The following ADAMTS6 variants were observed in gnomAD, a reference collection of about 807,000 sequenced individuals.
ADAMTS6 encodes the protein A disintegrin and metalloproteinase with thrombospondin motifs 6.
In ADAMTS6, 23 loss-of-function variants were observed where a neutral mutation model predicts 144.3. The ratio of observed to expected loss-of-function variants is 0.16; its 90% CI spans 0.11 to 0.23. The LOEUF (loss-of-function observed/expected upper bound fraction) is 0.23. ADAMTS6 is among the 10% of genes least tolerant of loss of function. The probability of loss-of-function intolerance (pLI) is 1.00; values close to 1 mark genes in which losing one functional copy is unlikely to be tolerated. For missense variants in ADAMTS6, 999 were observed against 1,379.6 expected (o/e 0.72, Z 4.37); for synonymous variants, 444 against 457.5 (o/e 0.97, Z 0.38).
chr5:65,231,646 A>G (rs77070198), intron 15 of ADAMTS6, among the ~76,000 whole-genome samples: 1 of 152,206 alleles, frequency 6.6e-6, no homozygotes, highest in Non-Finnish European at 1.5e-5. Context: ...AAGTCTTAAC[A>G]CATTTAAGAT....
chr5:65,409,765 T>C (rs1031844305), intron 7 of ADAMTS6, among the ~76,000 whole-genome samples: 3 of 152,162 alleles, frequency 2.0e-5, no homozygotes, highest in African/African-American at 7.2e-5. Context: ...ACTGGCAAAC[T>C]GAATCCAGCA....
At chr5:65,217,094 T>G (rs549366302) in intron 18 of ADAMTS6, among the ~76,000 whole-genome samples, 35 of 152,306 alleles carry the variant, frequency 2.3e-4, no homozygotes, top group African/African-American at 8.2e-4. Context: ...ATTTGTAGTT[T>G]CTTAACTTCA....
chr5:65,217,917 A>G (rs76398935), intron 18 of ADAMTS6, among the ~76,000 whole-genome samples: 6,906 of 152,268 alleles, frequency 0.045, 212 homozygotes, highest in Middle Eastern at 0.078. Flanking sequence ...TATATGAATC[A>G]GCTTTTCTCA....
intron 12 of ADAMTS6, among the ~76,000 whole-genome samples, chr5:65,264,832 A>C (rs1761483982): frequency 6.6e-6 from 1 of 152,132 alleles, no homozygotes; most frequent in Non-Finnish European, 1.5e-5. Context: ...GTGTGTATGT[A>C]ACAAAAATTT....
chr5:65,350,020 T>C (rs528516946), intron 7 of ADAMTS6, among the ~76,000 whole-genome samples: 1 of 152,298 alleles, frequency 6.6e-6, no homozygotes, highest in South Asian at 2.1e-4. Flanking sequence ...AATGTCCAGA[T>C]CAGCTGTTAA....
chr5:65,180,941 A>G (rs138255740), intron 22 of ADAMTS6, among the ~76,000 whole-genome samples: 302 of 152,338 alleles, frequency 2.0e-3, no homozygotes, highest in Non-Finnish European at 3.7e-3. Context: ...CACTAATAGC[A>G]TCTGTCATTT....
chr5:65,274,974 G>A (rs546713236), intron 11 of ADAMTS6, among the ~76,000 whole-genome samples: 34 of 152,100 alleles, frequency 2.2e-4, no homozygotes, highest in African/African-American at 7.7e-4. Context: ...GTGAGCCACC[G>A]TGCCTGGTCC....
chr5:65,332,782 G>A (rs1292136896), intron 8 of ADAMTS6, among the ~76,000 whole-genome samples: 2 of 151,998 alleles, frequency 1.3e-5, no homozygotes, highest in Non-Finnish European at 2.9e-5. Context: ...GGATTATGTT[G>A]GTCTTGTTAG....
intron 7 of ADAMTS6, among the ~76,000 whole-genome samples, chr5:65,344,631 ATT>A (rs1561447224): frequency 1.3e-5 from 2 of 151,806 alleles, no homozygotes; most frequent in Non-Finnish European, 2.9e-5. Flanking sequence ...ATTTTTATAT[ATT>A]TGTCTGATTT....
rs1744960673 is a variant in ADAMTS6, at chr5:65,316,016, AT to A, written c.1223+13361del. ...AACCTCTGCCTCCCGGGTTCAGGCA[AT>A]TCTCTTGCCTCAGCCTCCTGAGTAG... On this transcript the variant is annotated intron_variant, in intron 9 of 24. Transcript: ENST00000381055. 1.3e-5 allele frequency among the ~76,000 whole-genome samples: 2 copies of A among 152,144 alleles called. 1 individual carries two copies. Among genetic ancestry groups the A allele is most frequent in the South Asian group, 4.1e-4 (2 of 4,838 alleles).
chr5:65,285,941 G>C (rs1396255110), intron 11 of ADAMTS6, among the ~76,000 whole-genome samples: 1 of 152,148 alleles, frequency 6.6e-6, no homozygotes, highest in Non-Finnish European at 1.5e-5. Context: ...AAGGCCTGTC[G>C]GAAGAGAAAC....
intron 9 of ADAMTS6, among the ~76,000 whole-genome samples, chr5:65,301,634 C>G (rs1743381504): frequency 6.6e-6 from 1 of 151,716 alleles, no homozygotes; most frequent in African/African-American, 2.4e-5. Flanking sequence ...AGAATGGAAC[C>G]AGGGGAGTAG....
intron 15 of ADAMTS6, among the ~76,000 whole-genome samples, chr5:65,226,692 C>T (rs2112405657): frequency 6.6e-6 from 1 of 152,028 alleles, no homozygotes; most frequent in Non-Finnish European, 1.5e-5. Context: ...TAGAGATTCT[C>T]CTGCCTCAGC....
At chr5:65,399,037 G>A (rs759451842) in intron 7 of ADAMTS6, among the ~76,000 whole-genome samples, 4 of 151,812 alleles carry the variant, frequency 2.6e-5, no homozygotes, top group Non-Finnish European at 4.4e-5. Context: ...TGGATGGATC[G>A]TCCGAGGTCA....
intron 7 of ADAMTS6, among the ~76,000 whole-genome samples, chr5:65,373,716 C>T (rs867900200): frequency 6.6e-6 from 1 of 152,128 alleles, no homozygotes; most frequent in African/African-American, 2.4e-5. Context: ...TGAAACTATT[C>T]CAATCAATAG....
At chr5:65,310,963 G>C (rs1744439426) in intron 9 of ADAMTS6, among the ~76,000 whole-genome samples, 1 of 151,908 alleles carries the variant, frequency 6.6e-6, no homozygotes, top group Non-Finnish European at 1.5e-5. Flanking sequence ...AGTTGCTCTT[G>C]AAGTAACTGA....
intron 8 of ADAMTS6, among the ~76,000 whole-genome samples, chr5:65,331,103 G>C (rs1293633380): frequency 6.6e-6 from 1 of 151,892 alleles, no homozygotes. Context: ...TATATTATCT[G>C]GCTTTAAGTT....
chr5:65,263,664 T>C (rs936997524), intron 12 of ADAMTS6, among the ~76,000 whole-genome samples: 4 of 152,200 alleles, frequency 2.6e-5, no homozygotes, highest in African/African-American at 4.8e-5. Context: ...AAGCCAGGAA[T>C]AATTTATTGA....
At chr5:65,386,076 T>C (rs976229018) in intron 7 of ADAMTS6, among the ~76,000 whole-genome samples, 3 of 152,194 alleles carry the variant, frequency 2.0e-5, no homozygotes, top group African/African-American at 7.2e-5. Flanking sequence ...ATTTACTAAA[T>C]AAGCTATAAT....
Sources: allele counts gnomAD v4.1 joint callset (sites outside exome capture counted in the v4.1 genomes callset), GRCh38; gene constraint gnomAD v4.1.1; transcripts MANE v1.5; gene names NCBI Gene and HGNC (gene_info 2026-07-23, HGNC 2026-07-21).